GPR143: variants seen among roughly 807,000 people sequenced by gnomAD.
GPR143 encodes G-protein coupled receptor 143.
A neutral mutation model predicts 27.6 loss-of-function variants in GPR143; 8 were observed. The observed-to-expected ratio is 0.29, with a 90% CI of 0.17 to 0.52. GPR143 has a LOEUF of 0.52. Among genes scored for constraint, GPR143 ranks in the 20% least tolerant of loss-of-function variants. GPR143 has a pLI of 0.96. For synonymous variants in GPR143, 156 were observed against 153.2 expected, an observed-to-expected ratio of 1.02 and a Z score of -0.13; for missense variants, 303 against 343.1, an observed-to-expected ratio of 0.88 and a Z score of 0.92.
chrX:9,774,864 G>T (rs2083566129), intron 1 of GPR143, among the ~76,000 whole-genome samples: 1 of 110,711 alleles, frequency 9.0e-6, no homozygotes, highest in African/African-American at 3.3e-5. Context: ...TTGTTTTTTT[G>T]TTTGTTTGGT....
At chrX:9,765,465 C>T in intron 1 of GPR143, 103 bp downstream of exon 1, 2 of 809,752 alleles carry the variant, frequency 2.5e-6, no homozygotes, top group Middle Eastern at 5.0e-4. Context: ...ATCCACAGGC[C>T]GTGCGCCCTT....
At chrX:9,737,076 G>C (rs558721356) in intron 8 of GPR143, among the ~76,000 whole-genome samples, 27 of 111,703 alleles carry the variant, frequency 2.4e-4, no homozygotes, top group African/African-American at 8.1e-4. Flanking sequence ...CAAGGTGGGA[G>C]GATCATTTAC....
At chrX:9,737,733 G>T (rs907021012) in intron 8 of GPR143, among the ~76,000 whole-genome samples, 4 of 112,331 alleles carry the variant, frequency 3.6e-5, no homozygotes, top group African/African-American at 1.3e-4. Context: ...CAAGGGACCA[G>T]GTGCAGTGGC....
chrX:9,752,077 GTTGTT>G (rs1365589388), intron 3 of GPR143, among the ~76,000 whole-genome samples: 1 of 112,263 alleles, frequency 8.9e-6, no homozygotes, highest in African/African-American at 3.2e-5. Flanking sequence ...TGTGGTGGTT[GTTGTT>G]TTAAGAGATG....
At chrX:9,771,487 T>G (rs961037440) in intron 1 of GPR143, among the ~76,000 whole-genome samples, 7 of 110,984 alleles carry the variant, frequency 6.3e-5, no homozygotes, top group African/African-American at 2.3e-4. Context: ...ATTCAGGGTT[T>G]CTGGGGGTGG....
intron 4 of GPR143, 133 bp downstream of exon 4, chrX:9,748,441 C>T (rs1016437802): frequency 1.9e-6 from 1 of 521,306 alleles, no homozygotes. Flanking sequence ...TGAGCATGGC[C>T]TCATGTGGCC....
At chrX:9,731,367 T>A (rs2083352237) in intron 8 of GPR143, among the ~76,000 whole-genome samples, 4 of 83,513 alleles carry the variant, frequency 4.8e-5, no homozygotes, top group Admixed American at 4.3e-4. Context: ...AGACTCTGTC[T>A]CAAAAAAAAA....
intron 1 of GPR143, among the ~76,000 whole-genome samples, chrX:9,765,196 C>A (rs1569125949): frequency 8.9e-6 from 1 of 112,000 alleles, no homozygotes; most frequent in Non-Finnish European, 1.9e-5. Context: ...TTCCAACCTG[C>A]GGGCCATGCG....
At chrX:9,777,906 T>G (rs947874976) in intron 1 of GPR143, among the ~76,000 whole-genome samples, 3 of 109,418 alleles carry the variant, frequency 2.7e-5, no homozygotes, top group Non-Finnish European at 3.8e-5. Flanking sequence ...CTGGCTAACA[T>G]GGTGAAACCC....
chrX:9,773,604 G>A (rs1272965497), intron 1 of GPR143, among the ~76,000 whole-genome samples: 1 of 111,269 alleles, frequency 9.0e-6, no homozygotes, highest in Non-Finnish European at 1.9e-5. Flanking sequence ...CTGGAGTGGT[G>A]CTTCACACCT....
chrX:9,747,242 CAAAT>C (rs1222027249), intron 4 of GPR143, among the ~76,000 whole-genome samples: 1 of 110,524 alleles, frequency 9.0e-6, no homozygotes, highest in East Asian at 2.8e-4. Flanking sequence ...AAGGAAATGA[CAAAT>C]AAGAGAGTGA....
Position 9,760,751 on chromosome X carries a change from T to A in GPR143, c.326A>T (p.Glu109Val). The change falls in exon 2 of 9, where the codon GAA becomes GTA. Residue 109 changes from glutamate (E) to valine (V), a missense_variant. Transcript: ENST00000467482. ...CACGCAGAAAGCAGCAGGCCAAATT[T>A]CCGTGTGGTTCATATCCGAGACGCT... is the stretch of plus-strand genomic sequence containing the variant. ...VDSVSDMNHT[E>V]IWPAAFCVGS... 9 of 1,197,847 alleles carry A rather than the reference T, an allele frequency of 7.5e-6. No homozygotes were observed. Among genetic ancestry groups the A allele is most frequent in the Non-Finnish European group, 1.0e-5 (9 of 885,560 alleles).
chrX:9,774,561 G>A (rs771891761), intron 1 of GPR143, among the ~76,000 whole-genome samples: 2 of 112,132 alleles, frequency 1.8e-5, no homozygotes, highest in East Asian at 2.8e-4. Context: ...ACCTGAGCAC[G>A]TCTTCCTACA....
At chrX:9,746,789 TGCGAA>T (rs1225087323) in intron 4 of GPR143, among the ~76,000 whole-genome samples, 1 of 109,093 alleles carries the variant, frequency 9.2e-6, no homozygotes, top group Non-Finnish European at 1.9e-5. Flanking sequence ...AACTCTCAGC[TGCGAA>T]ATGCTTAATG....
intron 3 of GPR143, among the ~76,000 whole-genome samples, chrX:9,751,318 C>T (rs188929321): frequency 7.9e-4 from 89 of 112,239 alleles, no homozygotes; most frequent in African/African-American, 2.6e-3. Context: ...GACAATCAGG[C>T]GGCCCCAGCA....
intron 3 of GPR143, among the ~76,000 whole-genome samples, chrX:9,756,223 G>A (rs2083473510): frequency 8.9e-6 from 1 of 111,855 alleles, no homozygotes; most frequent in African/African-American, 3.2e-5. Context: ...AAATAATGAA[G>A]ATGGACCCAT....
At chrX:9,761,123 T>A (rs1018193227) in intron 1 of GPR143, among the ~76,000 whole-genome samples, 3 of 111,579 alleles carry the variant, frequency 2.7e-5, no homozygotes, top group Admixed American at 1.9e-4. Context: ...AGACGGAGTC[T>A]GGCTCTGTCA....
intron 1 of GPR143, among the ~76,000 whole-genome samples, chrX:9,773,973 T>C (rs1318333453): frequency 6.3e-5 from 7 of 110,708 alleles, no homozygotes; most frequent in Non-Finnish European, 1.3e-4. Flanking sequence ...ATGATGAAAA[T>C]GATTTGTTCA....
At chrX:9,740,187 G>A (rs1188440450) in intron 7 of GPR143, among the ~76,000 whole-genome samples, 1 of 111,451 alleles carries the variant, frequency 9.0e-6, no homozygotes, top group Non-Finnish European at 1.9e-5. Context: ...ACCCTGTGCT[G>A]CCAAGGGAGC....
Sources: allele counts gnomAD v4.1 joint callset (sites outside exome capture counted in the v4.1 genomes callset), GRCh38; gene constraint gnomAD v4.1.1; transcripts MANE v1.5; gene names NCBI Gene and HGNC (gene_info 2026-07-23, HGNC 2026-07-21).